The following TRDN variants were observed in gnomAD, a reference collection of about 807,000 sequenced individuals.
TRDN encodes triadin, also known as triadin in skeletal muscle.
A neutral mutation model predicts 149.7 loss-of-function variants in TRDN; 161 were observed. That is an observed-to-expected ratio of 1.08 (90% confidence interval 0.95 to 1.23). TRDN has a LOEUF of 1.23. TRDN is among the 50% of genes most tolerant of loss of function. The pLI is 0.00. For synonymous variants in TRDN, 294 were observed against 250.5 expected (o/e 1.17, Z -1.64); for missense variants, 896 against 823.5 (o/e 1.09, Z -1.08).
At chr6:123,548,307 T>C in intron 3 of TRDN, 147 bp downstream of exon 3, 1 of 479,020 alleles carries the variant, frequency 2.1e-6, no homozygotes, top group Non-Finnish European at 3.4e-6. Flanking sequence ...TTTGGCAGCC[T>C]GTTGATATGC....
At chr6:123,529,254 T>C (rs1402324464) in intron 5 of TRDN, 33 of 1,548,892 alleles carry the variant, frequency 2.1e-5, no homozygotes, top group East Asian at 4.9e-5. Flanking sequence ...TCAGTCATGG[T>C]TCGCTTAGTC....
chr6:123,334,998 G>C (rs1430368203), intron 22 of TRDN, among the ~76,000 whole-genome samples: 1 of 152,000 alleles, frequency 6.6e-6, no homozygotes, highest in African/African-American at 2.4e-5. Flanking sequence ...TAAAATAAGT[G>C]AATTTTTAGC....
At chr6:123,316,633 A>T in intron 23 of TRDN, 138 bp from the exon 24 acceptor site, 1 of 582,610 alleles carries the variant, frequency 1.7e-6, no homozygotes, top group South Asian at 2.6e-5. Flanking sequence ...TTATAGTTAT[A>T]TACTGTTATC....
chr6:123,282,202 C>T (rs928716318), intron 24 of TRDN, among the ~76,000 whole-genome samples: 1 of 151,818 alleles, frequency 6.6e-6, no homozygotes, highest in Non-Finnish European at 1.5e-5. Context: ...TATCAATAGT[C>T]AGAGGTCTAC....
intron 5 of TRDN, among the ~76,000 whole-genome samples, chr6:123,521,451 G>A (rs1779674808): frequency 6.6e-6 from 1 of 151,978 alleles, no homozygotes; most frequent in South Asian, 2.1e-4. Flanking sequence ...ATTTGAAGAT[G>A]AAGGCAGGAA....
At position 123,474,691 on chromosome 6, in the gene TRDN, C is replaced by A. The variant is rs1254643062; in HGVS notation, c.854-9708G>T. On this transcript the variant is annotated intron_variant, in intron 9 of 40. Transcript: ENST00000334268. ...TACTTGGAAGTAAAGCTCTCCTCAG[C>A]AAATGTAAAAGAACAGAAATTATAA... 5.9e-5 allele frequency among the ~76,000 whole-genome samples: 9 copies of A among 152,046 alleles called. No homozygotes were observed. The East Asian group carries it at 1.7e-3, about 29-fold the overall frequency.
intron 1 of TRDN, among the ~76,000 whole-genome samples, chr6:123,588,563 C>A (rs185885298): frequency 1.8e-3 from 278 of 152,260 alleles, no homozygotes; most frequent in Non-Finnish European, 3.3e-3. Flanking sequence ...AAATCCTGAT[C>A]ATCAATTTAC....
chr6:123,277,845 A>G (rs1177365117), intron 26 of TRDN, among the ~76,000 whole-genome samples: 2 of 152,186 alleles, frequency 1.3e-5, no homozygotes, highest in Non-Finnish European at 2.9e-5. Context: ...TTACTACAGT[A>G]GCCCTACAAC....
At position 123,556,282 on chromosome 6, in the gene TRDN, C is replaced by G. The variant is rs73539110; in HGVS notation, c.233-7670G>C. On this transcript the variant is annotated intron_variant, in intron 2 of 40. Coordinates refer to ENST00000334268, the MANE Select transcript of TRDN (RefSeq NM_006073.4). ...AAATAGTTGTATACAATCACTTGAA[C>G]AATAAATCAAAATTATATAAGTGAT... 2.0e-5 allele frequency among the ~76,000 whole-genome samples: 3 copies of G among 152,032 alleles called. No individual in the cohort carries two copies. The East Asian group carries it at 5.8e-4, about 29-fold the overall frequency.
chr6:123,360,714 AGAGACG>A (rs1290497017), intron 20 of TRDN, among the ~76,000 whole-genome samples: 82 of 39,280 alleles, frequency 2.1e-3, no homozygotes, highest in African/African-American at 0.013. Flanking sequence ...AGAGAGAGAG[AGAGACG>A]GAGAGAGAGA....
At chr6:123,396,848 T>C (rs373781363) in intron 12 of TRDN, among the ~76,000 whole-genome samples, 10 of 152,386 alleles carry the variant, frequency 6.6e-5, no homozygotes, top group African/African-American at 2.4e-4. Flanking sequence ...ACACTGTTTA[T>C]ATTTTGACTT....
At chr6:123,278,522 C>G (rs529404434) in intron 25 of TRDN, among the ~76,000 whole-genome samples, 175 bp from the exon 26 acceptor site, 3 of 152,106 alleles carry the variant, frequency 2.0e-5, no homozygotes, top group Non-Finnish European at 2.9e-5. Context: ...TTGTGGCAAA[C>G]TAGTACGTAA....
At chr6:123,461,279 A>G (rs1776433986) in intron 10 of TRDN, among the ~76,000 whole-genome samples, 1 of 152,174 alleles carries the variant, frequency 6.6e-6, no homozygotes, top group East Asian at 1.9e-4. Flanking sequence ...TCTTCTCTCT[A>G]GAGTTCTCTT....
Position 123,405,993 on chromosome 6 carries a change from T to C in TRDN, c.1052-12316A>G, listed in dbSNP as rs147098139. Among the ~76,000 whole-genome samples, 472 of 152,316 alleles carry C rather than the reference T, an allele frequency of 3.1e-3. 1 individual carries two copies. The highest frequency in any genetic ancestry group is 4.1e-3 in the South Asian group (20 of 4,830). Reference sequence around the variant, plus strand: ...ATTTAATTTATCTTGAGACCATATTTGACTCCAAGTAATAGCTAAAATATG... The same window carrying C: ...ATTTAATTTATCTTGAGACCATATTCGACTCCAAGTAATAGCTAAAATATG... On this transcript the variant is annotated intron_variant, in intron 12 of 40. Coordinates refer to ENST00000334268, the MANE Select transcript of TRDN (RefSeq NM_006073.4).
At chr6:123,613,051 T>C (rs144225821) in intron 1 of TRDN, among the ~76,000 whole-genome samples, 1 of 152,294 alleles carries the variant, frequency 6.6e-6, no homozygotes, top group Non-Finnish European at 1.5e-5. Flanking sequence ...ATTAGATGTA[T>C]CAAATAACAA....
chr6:123,484,480 AAC>A (rs1376955826), intron 9 of TRDN, among the ~76,000 whole-genome samples: 14 of 152,230 alleles, frequency 9.2e-5, no homozygotes, highest in South Asian at 2.1e-4. Flanking sequence ...ATTAATAAAT[AAC>A]ACATAATTAT....
chr6:123,339,754 C>T (rs1443816732), intron 21 of TRDN, among the ~76,000 whole-genome samples: 1 of 152,130 alleles, frequency 6.6e-6, no homozygotes, highest in Admixed American at 6.5e-5. Flanking sequence ...CTGGTGAAAA[C>T]ACACCCACAC....
chr6:123,316,568 A>C lies in TRDN; in HGVS notation c.1472-73T>G. The stretch of plus-strand genomic sequence containing the variant: ...ATAACATTTGAAAAATAGTCAGTAC[A>C]AAGTGGATTAATAGGTAGGCTTCAC... On this transcript the variant is annotated intron_variant, in intron 23 of 40. Transcript: ENST00000334268. 20 of 1,333,258 alleles carry C rather than the reference A, an allele frequency of 1.5e-5. No homozygotes were observed. In the South Asian group the frequency reaches 2.5e-4, roughly 17 times the overall value. The allele number at this position is 1,333,258 out of a possible 1,614,324, so 82.6% of individuals were successfully genotyped here. A position where few individuals can be genotyped will look rare whatever the true frequency, so the allele number is the denominator to read the frequency against.
chr6:123,422,842 A>G (rs563420347), intron 12 of TRDN, among the ~76,000 whole-genome samples: 1 of 152,290 alleles, frequency 6.6e-6, no homozygotes, highest in Admixed American at 6.5e-5. Flanking sequence ...AATGACAACT[A>G]TAACAGGTTT....
Sources: gnomAD v4.1 joint callset for allele counts (sites outside exome capture counted in the v4.1 genomes callset) on GRCh38, gnomAD v4.1.1 for gene constraint, MANE v1.5 for transcripts, NCBI Gene and HGNC (gene_info 2026-07-23, HGNC 2026-07-21) for gene names.